Variants in AKAP13 observed in about 807,000 individuals in gnomAD.
AKAP13 encodes the protein A-kinase anchoring protein 13.
Under a neutral mutation model 264.5 loss-of-function variants are expected in AKAP13, and 80 were observed. That is an observed-to-expected ratio of 0.30 (90% CI 0.25 to 0.36). The LOEUF is 0.36. AKAP13 is among the 10% of genes least tolerant of loss of function. The probability of loss-of-function intolerance (pLI) is 1.00; values close to 1 mark genes in which losing one functional copy is unlikely to be tolerated. For synonymous variants in AKAP13, 1,380 were observed against 1,250.2 expected (o/e 1.10, Z -2.19); for missense variants, 3,712 against 3,435.2 (o/e 1.08, Z -2.01).
At chr15:85,488,957 A>G (rs1028423033) in intron 2 of AKAP13, among the ~76,000 whole-genome samples, 1 of 152,250 alleles carries the variant, frequency 6.6e-6, no homozygotes, top group Non-Finnish European at 1.5e-5. Flanking sequence ...TGAGAAAATT[A>G]GTGATAAAGG....
In AKAP13 at chr15:85,736,206, CCTTTTTTTTTTTT is replaced by C. The variant is rs2088480632; in HGVS notation, c.7557+79_7557+91del. 2.1e-5 allele frequency: 28 copies of C among 1,342,816 alleles called. No homozygotes were observed. The Middle Eastern group carries it at 1.9e-3, about 89-fold the overall frequency. 83.2% of individuals were successfully genotyped at this position (1,342,816 alleles called of 1,614,324 possible). ...TGTCAAGTTAGGAATATTGTTTTTT[CCTTTTTTTTTTTT>C]CTTTTTGCTGTTACAAAGAGGCTAA... is the stretch of plus-strand genomic sequence containing the variant. On this transcript the variant is annotated intron_variant, in intron 33 of 36. Coordinates refer to ENST00000394518, the MANE Select transcript of AKAP13 (RefSeq NM_007200.5).
chr15:85,387,772 C>T (rs1364029022), intron 1 of AKAP13, among the ~76,000 whole-genome samples: 1 of 152,120 alleles, frequency 6.6e-6, no homozygotes, highest in Non-Finnish European at 1.5e-5. Context: ...TTGGATCTTG[C>T]ATGTGTTTTG....
In AKAP13 at chr15:85,485,738, G is replaced by A. The variant is rs777428324; in HGVS notation, c.18G>A (p.Gln6=). The A allele has an allele frequency of 2.5e-5, 41 of 1,613,008 alleles. No homozygotes were observed. Among genetic ancestry groups the A allele is most frequent in the Non-Finnish European group, 2.9e-5 (34 of 1,179,356 alleles). Residue 6 remains glutamine (Q), a synonymous_variant, in exon 2 of 37, where the codon CAG becomes CAA. Transcript: ENST00000394518. The part of the protein sequence containing the change: MKLNP[Q]QAPLYGDCVV... Reference sequence around the variant, plus strand: ...CCTGGGTCATGAAACTTAATCCACAGCAAGCTCCCTTATATGTGAGTAAAT... The same window carrying A: ...CCTGGGTCATGAAACTTAATCCACAACAAGCTCCCTTATATGTGAGTAAAT...
At chr15:85,692,941 T>C (rs2085372649) in intron 16 of AKAP13, among the ~76,000 whole-genome samples, 1 of 152,196 alleles carries the variant, frequency 6.6e-6, no homozygotes. Context: ...TGGACTGTGC[T>C]GTAGCTTGCT....
intron 1 of AKAP13, among the ~76,000 whole-genome samples, chr15:85,441,616 T>G (rs1372656835): frequency 6.6e-6 from 1 of 152,228 alleles, no homozygotes; most frequent in Non-Finnish European, 1.5e-5. Context: ...TATGTTTTCT[T>G]GTAGATATTT....
chr15:85,425,583 G>A (rs1326284563), intron 1 of AKAP13, among the ~76,000 whole-genome samples: 2 of 152,048 alleles, frequency 1.3e-5, no homozygotes, highest in Non-Finnish European at 2.9e-5. Flanking sequence ...CGATGTGGTG[G>A]CACGTGCCTG....
intron 17 of AKAP13, among the ~76,000 whole-genome samples, chr15:85,706,991 T>C (rs1421180590): frequency 1.3e-5 from 2 of 152,122 alleles, no homozygotes; most frequent in African/African-American, 4.8e-5. Flanking sequence ...AAAAGAGATG[T>C]TGGCCCAAAA....
intron 1 of AKAP13, among the ~76,000 whole-genome samples, chr15:85,395,400 C>G (rs1453933799): frequency 1.3e-5 from 2 of 152,028 alleles, no homozygotes; most frequent in Non-Finnish European, 2.9e-5. Flanking sequence ...TGTTGAACCT[C>G]TTTGTAACAT....
At chr15:85,736,951 C>G (rs1328772693) in intron 33 of AKAP13, among the ~76,000 whole-genome samples, 1 of 111,668 alleles carries the variant, frequency 9.0e-6, no homozygotes, top group African/African-American at 3.5e-5. Context: ...ATGGATCTTG[C>G]TCTGTTGTCC....
chr15:85,728,802 A>T (rs933885329), intron 29 of AKAP13, among the ~76,000 whole-genome samples: 5 of 152,182 alleles, frequency 3.3e-5, no homozygotes, highest in African/African-American at 9.7e-5. Context: ...TTAAGCTGGA[A>T]ATGCACCAGG....
chr15:85,719,459 C>A (rs1567212524), intron 23 of AKAP13, 133 bp downstream of exon 23: 3 of 1,220,908 alleles, frequency 2.5e-6, no homozygotes, highest in Non-Finnish European at 2.2e-6. Flanking sequence ...TATTTAATTT[C>A]TCTGGAGCCT....
At chr15:85,555,610 GTGT>G (rs2078114997) in intron 5 of AKAP13, 2 of 600,956 alleles carry the variant, frequency 3.3e-6, no homozygotes, top group South Asian at 1.5e-5. Context: ...TGAAGGACTT[GTGT>G]TGTTAGGATC....
At position 85,644,459 on chromosome 15, in the gene AKAP13, C is replaced by G. The variant is rs369412214; in HGVS notation, c.4238-1359C>G. Reference sequence around the variant, plus strand: ...GTTTCACCATGTTGACCAGGCTGTTCTCGAACTCTGGCCGCAGGTGATCCG... The same window carrying G: ...GTTTCACCATGTTGACCAGGCTGTTGTCGAACTCTGGCCGCAGGTGATCCG... On this transcript the variant is annotated intron_variant, in intron 9 of 36. Coordinates refer to ENST00000394518, the MANE Select transcript of AKAP13 (RefSeq NM_007200.5). 9.3e-5 allele frequency among the ~76,000 whole-genome samples: 14 copies of G among 151,206 alleles called. No individual in the cohort carries two copies. In the East Asian group the frequency reaches 2.4e-3, roughly 26 times the overall value.
intron 14 of AKAP13, among the ~76,000 whole-genome samples, chr15:85,679,427 T>C (rs2084457357): frequency 6.6e-6 from 1 of 152,186 alleles, no homozygotes; most frequent in Non-Finnish European, 1.5e-5. Flanking sequence ...AAGAATTATG[T>C]GTGGGCAGGG....
At chr15:85,556,994 T>C (rs966703395) in intron 5 of AKAP13, among the ~76,000 whole-genome samples, 1 of 152,262 alleles carries the variant, frequency 6.6e-6, no homozygotes, top group Non-Finnish European at 1.5e-5. Flanking sequence ...GATTTTTGTG[T>C]ATACACTTCC....
At chr15:85,563,284 G>A (rs982168367) in intron 5 of AKAP13, among the ~76,000 whole-genome samples, 8 of 148,794 alleles carry the variant, frequency 5.4e-5, no homozygotes, top group African/African-American at 2.0e-4. Flanking sequence ...CCATTTTCCA[G>A]CCTGTCGGAA....
At chr15:85,458,257 C>T (rs140836630) in intron 1 of AKAP13, among the ~76,000 whole-genome samples, 1 of 151,528 alleles carries the variant, frequency 6.6e-6, no homozygotes, top group Non-Finnish European at 1.5e-5. Flanking sequence ...ATATGTAGAC[C>T]TTAACTTATG....
intron 8 of AKAP13, among the ~76,000 whole-genome samples, chr15:85,634,164 T>C (rs1275637008): frequency 1.3e-5 from 2 of 152,160 alleles, no homozygotes; most frequent in Non-Finnish European, 2.9e-5. Context: ...TTGTTTCATG[T>C]GGTTCTAGTT....
chr15:85,547,868 G>A (rs992181853), intron 5 of AKAP13, among the ~76,000 whole-genome samples: 3 of 152,038 alleles, frequency 2.0e-5, no homozygotes, highest in African/African-American at 7.3e-5. Context: ...AAACATGTAG[G>A]CCTACTTTTC....
Sources: allele counts gnomAD v4.1 joint callset (sites outside exome capture counted in the v4.1 genomes callset), GRCh38; gene constraint gnomAD v4.1.1; transcripts MANE v1.5; gene names NCBI Gene and HGNC (gene_info 2026-07-23, HGNC 2026-07-21).